UTRN: variants seen among roughly 807,000 people sequenced by gnomAD.
UTRN encodes the protein utrophin, also known as dystrophin-related protein 1.
A neutral mutation model predicts 463.9 loss-of-function variants in UTRN; 283 were observed. That is an observed-to-expected ratio of 0.61 (90% CI 0.55 to 0.67). UTRN has a LOEUF of 0.67. Ranked by LOEUF, UTRN falls within the 30% of genes least tolerant of loss-of-function variation. The pLI is 0.00. For missense variants in UTRN, 3,922 were observed against 4,084.3 expected (o/e 0.96, Z 1.08); for synonymous variants, 1,442 against 1,431.5 (o/e 1.01, Z -0.17).
chr6:144,629,308 C>T (rs1250068013), intron 51 of UTRN, among the ~76,000 whole-genome samples: 1 of 152,024 alleles, frequency 6.6e-6, no homozygotes, highest in Non-Finnish European at 1.5e-5. Context: ...TGACCATAGA[C>T]TGTCACCGCC....
chr6:144,673,683 G>T (rs1229315477), intron 51 of UTRN, among the ~76,000 whole-genome samples: 1 of 152,004 alleles, frequency 6.6e-6, no homozygotes, highest in Admixed American at 6.6e-5. Context: ...TATTCCTTAT[G>T]CTGGTTGCTG....
At chr6:144,309,866 T>C (rs527929708) in intron 2 of UTRN, among the ~76,000 whole-genome samples, 65 of 152,350 alleles carry the variant, frequency 4.3e-4, no homozygotes, top group African/African-American at 1.5e-3. Flanking sequence ...CTTACTAGTT[T>C]GTGCTCATTA....
At chr6:144,296,567 G>A (rs1804727021) in intron 2 of UTRN, among the ~76,000 whole-genome samples, 1 of 152,212 alleles carries the variant, frequency 6.6e-6, no homozygotes, top group Admixed American at 6.5e-5. Context: ...AAAGGCTACA[G>A]AGTCTGGAAG....
At chr6:144,603,015 G>A (rs896216657) in intron 51 of UTRN, among the ~76,000 whole-genome samples, 10 of 152,216 alleles carry the variant, frequency 6.6e-5, no homozygotes, top group African/African-American at 1.9e-4. Flanking sequence ...TCTGAGATAC[G>A]CCTGTATGCA....
chr6:144,657,250 CAAAAAAAAA>C (rs11400052), intron 51 of UTRN, among the ~76,000 whole-genome samples: 2,160 of 68,878 alleles, frequency 0.031, 71 homozygotes, highest in African/African-American at 0.098. Context: ...AACTCCATCT[CAAAAAAAAA>C]AAAAAAAAAA....
chr6:144,649,782 T>C (rs1196089292), intron 51 of UTRN, among the ~76,000 whole-genome samples: 1 of 152,160 alleles, frequency 6.6e-6, no homozygotes, highest in Non-Finnish European at 1.5e-5. Context: ...TTAAATTAGC[T>C]ACTAGTATAC....
At position 144,797,958 on chromosome 6, in the gene UTRN, C is replaced by T. The variant is rs1256378518; in HGVS notation, c.9213C>T (p.Asn3071=). The T allele has an allele frequency of 1.2e-6, 2 of 1,614,098 alleles. No homozygotes were observed. Among genetic ancestry groups the T allele is most frequent in the Non-Finnish European group, 1.7e-6 (2 of 1,179,984 alleles). Residue 3071 remains asparagine (N), a synonymous_variant, in exon 64 of 75, where the codon AAC becomes AAT. Transcript: ENST00000367545. Reference sequence around the variant, plus strand: ...CTGCAAAACATCAGGCCAAATGCAACATCTGTAAAGAATGTCCAATTGTCG... The same window carrying T: ...CTGCAAAACATCAGGCCAAATGCAATATCTGTAAAGAATGTCCAATTGTCG... ...AETAKHQAKC[N]ICKECPIVGF...
At chr6:144,824,654 C>A (rs1189301491) in intron 66 of UTRN, among the ~76,000 whole-genome samples, 2 of 74,466 alleles carry the variant, frequency 2.7e-5, no homozygotes, top group African/African-American at 5.5e-5. Flanking sequence ...GGGTCCAGTT[C>A]TGTTTCCCAG....
chr6:144,678,314 T>C, intron 51 of UTRN, 92 bp from the exon 52 acceptor site: 1 of 1,213,426 alleles, frequency 8.2e-7, no homozygotes, highest in Non-Finnish European at 1.1e-6. Context: ...TAAGGTGAAA[T>C]GAACTATTTT....
At chr6:144,423,471 T>G in intron 4 of UTRN, 78 bp from the exon 5 acceptor site, 1 of 1,412,312 alleles carries the variant, frequency 7.1e-7, no homozygotes, top group Non-Finnish European at 1.0e-6. Flanking sequence ...TTCACTTCTG[T>G]GTGTATCTCA....
chr6:144,336,618 G>A (rs2114618657), intron 2 of UTRN, among the ~76,000 whole-genome samples: 1 of 152,206 alleles, frequency 6.6e-6, no homozygotes, highest in Non-Finnish European at 1.5e-5. Flanking sequence ...TGTGCTTCGA[G>A]AAAACTCACT....
intron 74 of UTRN, among the ~76,000 whole-genome samples, chr6:144,848,896 G>C (rs1024761298): frequency 3.9e-5 from 6 of 152,060 alleles, no homozygotes; most frequent in Non-Finnish European, 7.4e-5. Context: ...CATATAGTCT[G>C]ATGATATGAG....
chr6:144,299,725 A>G lies in UTRN; in HGVS notation c.79+7818A>G, dbSNP rs1316915626. 2.6e-5 allele frequency among the ~76,000 whole-genome samples: 4 copies of G among 152,178 alleles called. No individual in the cohort carries two copies. In the East Asian group the frequency reaches 5.8e-4, roughly 22 times the overall value. ...GTCCGCTGATGCATTCATTATAAAA[A>G]TGTATTGTGTATATTTTCTATTACA... On this transcript the variant is annotated intron_variant, in intron 2 of 74. Transcript: ENST00000367545.
At chr6:144,433,210 C>CG (rs1786071496) in intron 9 of UTRN, among the ~76,000 whole-genome samples, 4 of 152,104 alleles carry the variant, frequency 2.6e-5, no homozygotes, top group Non-Finnish European at 4.4e-5. Context: ...GTACACCTCC[C>CG]AGACGGGGTG....
At chr6:144,390,105 A>G (rs901628911) in intron 2 of UTRN, among the ~76,000 whole-genome samples, 6 of 152,220 alleles carry the variant, frequency 3.9e-5, no homozygotes, top group East Asian at 3.8e-4. Flanking sequence ...CTCATCACAA[A>G]TAAATGGTAA....
chr6:144,350,310 C>T (rs550393139), intron 2 of UTRN, among the ~76,000 whole-genome samples: 1 of 151,460 alleles, frequency 6.6e-6, no homozygotes, highest in South Asian at 2.1e-4. Context: ...AGAAAACTGT[C>T]ATTTCCTTCC....
In UTRN at chr6:144,730,403, C is replaced by T. The variant is rs1788390949; in HGVS notation, c.7856C>T (p.Ala2619Val). 6.2e-7 allele frequency: 1 copy of T among 1,612,196 alleles called. No individual in the cohort carries two copies. The highest frequency in any genetic ancestry group is 1.3e-5 in the African/African-American group (1 of 74,768). Reference protein sequence around the residue: ...LKEKEYSVLNAVDQARVFLAD... With the variant: ...LKEKEYSVLNVVDQARVFLAD... ...GAGAAAGAATATTCTGTCCTGAATG[C>T]TGTCGACCAGGCCCGAGTTTTCTTG... Residue 2619 changes from alanine (A) to valine (V), a missense_variant, in exon 54 of 75, where the codon GCT becomes GTT. By Grantham distance (64) the Ala-to-Val change is moderately conservative. Around this residue, in one of 3 missense-constraint regions of UTRN, gnomAD observed 1,309 missense variants for 1,452.6 expected, o/e 0.90. Transcript: ENST00000367545.
chr6:144,433,927 T>C (rs1584768377), intron 9 of UTRN, among the ~76,000 whole-genome samples: 2 of 150,520 alleles, frequency 1.3e-5, no homozygotes, highest in African/African-American at 4.9e-5. Flanking sequence ...CGCTCCTCAC[T>C]TCCCAGACGG....
At chr6:144,685,222 T>C (rs1281227882) in intron 52 of UTRN, among the ~76,000 whole-genome samples, 2 of 152,208 alleles carry the variant, frequency 1.3e-5, no homozygotes, top group Non-Finnish European at 2.9e-5. Flanking sequence ...TTCTTTTCTA[T>C]GGCTGAGTGG....
Sources: gnomAD v4.1 joint callset for allele counts (sites outside exome capture counted in the v4.1 genomes callset) on GRCh38, gnomAD v4.1.1 for gene constraint, gnomAD v4.1.1 regional missense constraint, MANE v1.5 for transcripts, NCBI Gene and HGNC (gene_info 2026-07-23, HGNC 2026-07-21) for gene names.